The following GSE1 variants were observed in gnomAD, a reference collection of about 807,000 sequenced individuals.
GSE1 encodes Gse1 coiled-coil protein.
GSE1 carries 32 observed loss-of-function variants against 112.6 expected under a neutral mutation model. The observed-to-expected ratio is 0.28, with a 90% CI of 0.21 to 0.38. The LOEUF (loss-of-function observed/expected upper bound fraction) is 0.38. GSE1 is among the 10% of genes least tolerant of loss of function. The pLI, the probability that GSE1 is intolerant of heterozygous loss-of-function variation, is 1.00. For synonymous variants in GSE1, 1,115 were observed against 735.6 expected (o/e 1.52, Z -8.35); for missense variants, 2,348 against 1,699.2 (o/e 1.38, Z -6.71).
chr16:85,556,087 G>A (rs1405871731), exon 1 of GSE1: 1 of 984,634 alleles, frequency 1.0e-6, no homozygotes, highest in Non-Finnish European at 1.2e-6. Context: ...GGGCCAAGGT[G>A]GCCGAAATTG....
intron 3 of GSE1, among the ~76,000 whole-genome samples, chr16:85,649,603 G>C (rs2051165946): frequency 6.6e-6 from 1 of 151,974 alleles, no homozygotes; most frequent in Non-Finnish European, 1.5e-5. Flanking sequence ...TGGGGCCTGT[G>C]CGCCCTCAGG....
chr16:85,357,503 C>T, exon 2 of GSE1: 1 of 1,258,796 alleles, frequency 7.9e-7, no homozygotes, highest in Non-Finnish European at 1.0e-6. Context: ...GCCAGCCACC[C>T]TCCCACCCGG....
chr16:85,402,477 C>T (rs2048138255), intron 2 of GSE1, among the ~76,000 whole-genome samples: 1 of 152,158 alleles, frequency 6.6e-6, no homozygotes, highest in African/African-American at 2.4e-5. Flanking sequence ...TGCTGAGTCC[C>T]AAAGCTGAGG....
chr16:85,478,841 TTCTTTC>T (rs774671460), intron 2 of GSE1, among the ~76,000 whole-genome samples: 146 of 12,692 alleles, frequency 0.012, 7 homozygotes, highest in Middle Eastern at 0.024. Context: ...CTCATTTATT[TTCTTTC>T]TTTCTTTCTT....
chr16:85,672,347 CATGCT>C, intron 15 of GSE1, 53 bp from the exon 16 acceptor site: 1 of 1,367,892 alleles, frequency 7.3e-7, no homozygotes, highest in Non-Finnish European at 1.0e-6. Context: ...TTGTACTCTA[CATGCT>C]TGTCCTTACA....
At chr16:85,422,537 C>A (rs962966677) in intron 2 of GSE1, among the ~76,000 whole-genome samples, 1 of 150,970 alleles carries the variant, frequency 6.6e-6, no homozygotes, top group Admixed American at 6.6e-5. Context: ...CTTGTACACA[C>A]GTTCACGGAG....
intron 2 of GSE1, among the ~76,000 whole-genome samples, chr16:85,492,287 T>C (rs2051035903): frequency 1.3e-5 from 2 of 152,190 alleles, no homozygotes; most frequent in South Asian, 4.1e-4. Context: ...CTGAGGTTTC[T>C]GGGGTTCCAT....
chr16:85,500,657 C>G (rs2051329787), intron 2 of GSE1, among the ~76,000 whole-genome samples: 1 of 152,228 alleles, frequency 6.6e-6, no homozygotes, highest in Non-Finnish European at 1.5e-5. Flanking sequence ...TTCTCCATGT[C>G]ACCCTTCCTC....
intron 1 of GSE1, among the ~76,000 whole-genome samples, chr16:85,289,741 T>C (rs748312562): frequency 6.6e-6 from 1 of 152,168 alleles, no homozygotes; most frequent in Non-Finnish European, 1.5e-5. Flanking sequence ...GGCAAGGTCC[T>C]GGGGCAGTCG....
intron 2 of GSE1, among the ~76,000 whole-genome samples, chr16:85,409,640 C>T (rs1371049754): frequency 1.3e-4 from 1 of 7,794 alleles, no homozygotes; most frequent in African/African-American, 1.6e-4. Flanking sequence ...ACACTCAGGG[C>T]CCCCCTGGAT....
rs956899615 is a variant in GSE1, at chr16:85,675,141, T to C, written c.*2602T>C. ...ATCTGTTTTCAATTGGGCTTAAAAA[T>C]TGACATGCAATCTCTTAAGTTTTTT... is the stretch of plus-strand genomic sequence containing the variant. On this transcript the variant is annotated 3_prime_UTR_variant, in exon 16 of 16. Transcript: ENST00000253458. 1 of 147,750 alleles carries C rather than the reference T, an allele frequency of 6.8e-6. No homozygotes were observed. Among genetic ancestry groups the C allele is most frequent in the South Asian group, 2.1e-4 (1 of 4,698 alleles). 9.2% of individuals were successfully genotyped at this position (147,750 alleles called of 1,614,324 possible). A position where few individuals can be genotyped will look rare whatever the true frequency, so the allele number is the denominator to read the frequency against.
In GSE1 at chr16:85,673,586, T is replaced by G. The variant is rs1390074153; in HGVS notation, c.*1047T>G. 5 of 152,240 alleles carry G rather than the reference T, an allele frequency of 3.3e-5. No individual in the cohort carries two copies. Among genetic ancestry groups the G allele is most frequent in the Admixed American group, 2.6e-4 (4 of 15,274 alleles). 9.4% of individuals were successfully genotyped at this position (152,240 alleles called of 1,614,324 possible). On this transcript the variant is annotated 3_prime_UTR_variant, in exon 16 of 16. Transcript: ENST00000253458. ...AAAGAAGAAGAAAAGTAAAAGAGCT[T>G]ACCACTGGCGCCTATGCGATCACTT... is the stretch of plus-strand genomic sequence containing the variant.
At position 85,602,197 on chromosome 16, in the gene GSE1, G is replaced by A. The variant is rs541101640; in HGVS notation, c.37+45834G>A. 2.8e-4 allele frequency among the ~76,000 whole-genome samples: 43 copies of A among 152,224 alleles called. 1 individual carries two copies. The highest frequency in any genetic ancestry group is 2.8e-4 in the Non-Finnish European group (19 of 68,016). On this transcript the variant is annotated intron_variant, in intron 1 of 2. Coordinates refer to the GSE1 transcript ENST00000635906. The stretch of plus-strand genomic sequence containing the variant: ...AGCAGCCAGGACTGCTGCCAGGGCC[G>A]GGTTAGCAGCACACAGCGCCCAGGG...
chr16:85,532,022 A>G (rs1244726814), intron 2 of GSE1, among the ~76,000 whole-genome samples: 1 of 152,204 alleles, frequency 6.6e-6, no homozygotes, highest in Non-Finnish European at 1.5e-5. Context: ...AGTAACAGTG[A>G]CAAGTCTTCA....
In GSE1 at chr16:85,177,780, G is replaced by T. The variant is rs760775962; in HGVS notation, c.2283+5973G>T. On this transcript the variant is annotated intron_variant, in intron 1 of 2. Coordinates refer to the GSE1 transcript ENST00000637419. ...GATGCCGGGACCCCAAAACGCCATG[G>T]GGTTCTGTCCCTTGGAGGATAACAT... is the stretch of plus-strand genomic sequence containing the variant. 2.6e-5 allele frequency among the ~76,000 whole-genome samples: 4 copies of T among 152,252 alleles called. No individual in the cohort carries two copies. The South Asian group carries it at 8.3e-4, about 32-fold the overall frequency.
At chr16:85,268,527 C>T (rs190664174) in intron 1 of GSE1, among the ~76,000 whole-genome samples, 12 of 152,178 alleles carry the variant, frequency 7.9e-5, no homozygotes, top group Non-Finnish European at 1.6e-4. Flanking sequence ...CTTTGGGCTG[C>T]GAGCCATGTA....
At chr16:85,608,763 T>C (rs1029074419), upstream of GSE1, among the ~76,000 whole-genome samples, 1 of 152,220 alleles carries the variant, frequency 6.6e-6, no homozygotes, top group African/African-American at 2.4e-5. Context: ...CAGCGCTGGC[T>C]CTTGTTAGGT....
At chr16:85,550,237 G>A (rs1371911099) in intron 2 of GSE1, among the ~76,000 whole-genome samples, 1 of 152,128 alleles carries the variant, frequency 6.6e-6, no homozygotes, top group African/African-American at 2.4e-5. Context: ...TAATGAACAT[G>A]CACTCTGGAG....
chr16:85,633,323 C>T (rs1265680852), intron 1 of GSE1, among the ~76,000 whole-genome samples: 1 of 152,158 alleles, frequency 6.6e-6, no homozygotes, highest in Non-Finnish European at 1.5e-5. Flanking sequence ...CGGGGGTCTG[C>T]CCTGAGTGCC....
Sources: gnomAD v4.1 joint callset for allele counts (sites outside exome capture counted in the v4.1 genomes callset) on GRCh38, gnomAD v4.1.1 for gene constraint, MANE v1.5 for transcripts, NCBI Gene and HGNC (gene_info 2026-07-23, HGNC 2026-07-21) for gene names.